Variants in RAP1GAP2 observed in about 807,000 individuals in gnomAD.
The protein encoded by RAP1GAP2 is RAP1 GTPase activating protein 2.
A neutral mutation model predicts 95.0 loss-of-function variants in RAP1GAP2; 27 were observed. That is an observed-to-expected ratio of 0.28 (90% confidence interval 0.21 to 0.39). The LOEUF is 0.39. RAP1GAP2 is among the 10% of genes least tolerant of loss of function. RAP1GAP2 has a pLI of 1.00. For missense variants in RAP1GAP2, 771 were observed against 970.0 expected (o/e 0.79, Z 2.72); for synonymous variants, 373 against 380.9 (o/e 0.98, Z 0.24).
chr17:2,891,700 T>C (rs1429113019), intron 2 of RAP1GAP2, among the ~76,000 whole-genome samples: 1 of 151,660 alleles, frequency 6.6e-6, no homozygotes, highest in East Asian at 1.9e-4. Context: ...GGGTGTGAAA[T>C]TTTAGGTTGA....
chr17:2,919,993 A>T (rs919094560), intron 3 of RAP1GAP2, among the ~76,000 whole-genome samples: 1 of 145,976 alleles, frequency 6.9e-6, no homozygotes, highest in African/African-American at 2.5e-5. Context: ...GAGCCGCCGC[A>T]TCTGGCCTCC....
chr17:3,026,056 T>C lies in RAP1GAP2; in HGVS notation c.1800T>C (p.Ser600=), dbSNP rs748948241. The C allele has an allele frequency of 1.9e-6, 3 of 1,613,560 alleles. No homozygotes were observed. In the African/African-American group the frequency reaches 4.0e-5, roughly 22 times the overall value. ...TPKTPDGGHS[S]QEIKSETSSN... ...AGACCCCAGATGGTGGACACTCCTCTCAGGAGATAAAGTCTGAGACCTCAT... is the reference window on the plus strand; with the variant it reads ...AGACCCCAGATGGTGGACACTCCTCCCAGGAGATAAAGTCTGAGACCTCAT... Residue 600 remains serine (S), a synonymous_variant, in exon 20 of 25, where the codon TCT becomes TCC. Transcript: ENST00000254695.
At chr17:3,001,356 C>A (rs978861706) in intron 14 of RAP1GAP2, among the ~76,000 whole-genome samples, 10 of 101,476 alleles carry the variant, frequency 9.9e-5, no homozygotes, top group African/African-American at 4.1e-4. Flanking sequence ...AGTGCAGGTC[C>A]AAGCACCAGG....
intron 8 of RAP1GAP2, among the ~76,000 whole-genome samples, chr17:2,966,813 T>C (rs1237592536): frequency 6.6e-6 from 1 of 152,178 alleles, no homozygotes; most frequent in Non-Finnish European, 1.5e-5. Flanking sequence ...AGAAAATTGC[T>C]ACCTTAATAA....
intron 2 of RAP1GAP2, among the ~76,000 whole-genome samples, chr17:2,845,806 AGCC>A (rs1215329533): frequency 6.6e-6 from 1 of 151,832 alleles, no homozygotes; most frequent in East Asian, 1.9e-4. Context: ...GGTTTTGGTG[AGCC>A]GAGGTCGCAC....
intron 2 of RAP1GAP2, among the ~76,000 whole-genome samples, chr17:2,833,334 A>G (rs535813068): frequency 6.6e-6 from 1 of 151,480 alleles, no homozygotes; most frequent in East Asian, 2.0e-4. Context: ...ATGAGGTTTC[A>G]CCATGTTGGC....
At chr17:2,949,152 G>A (rs1021666018) in intron 3 of RAP1GAP2, among the ~76,000 whole-genome samples, 5 of 152,172 alleles carry the variant, frequency 3.3e-5, no homozygotes, top group Non-Finnish European at 5.9e-5. Context: ...CTGGCTCTGC[G>A]TGGTTATCTA....
intron 2 of RAP1GAP2, among the ~76,000 whole-genome samples, chr17:2,889,056 G>A (rs2073600090): frequency 6.6e-6 from 1 of 152,102 alleles, no homozygotes; most frequent in Non-Finnish European, 1.5e-5. Context: ...AGTGCAGATG[G>A]CTCTTCAACA....
upstream of RAP1GAP2, among the ~76,000 whole-genome samples, chr17:2,794,265 A>T (rs979334703): frequency 2.0e-5 from 3 of 151,906 alleles, no homozygotes; most frequent in African/African-American, 7.3e-5. Context: ...GGGTTTACTT[A>T]GGTCTCCTGA....
intron 1 of RAP1GAP2, among the ~76,000 whole-genome samples, chr17:2,781,908 G>T (rs538133128): frequency 9.0e-4 from 137 of 151,678 alleles, no homozygotes; most frequent in Non-Finnish European, 1.6e-3. Context: ...GTGTGTGCAG[G>T]TCTCTGTGTG....
At position 2,857,535 on chromosome 17, in the gene RAP1GAP2, C is replaced by G. The variant is rs1443974203; in HGVS notation, c.81-47749C>G. ...TGCTCTACGGGAGCTGTGGGGCAGC[C>G]TGGAGGTTATGCCTTTTTCTGCCCA... On this transcript the variant is annotated intron_variant, in intron 2 of 24. Transcript: ENST00000254695. The surrounding 1 kb of genome is among the most constrained non-coding windows in gnomAD (Gnocchi z 4.0). Among the ~76,000 whole-genome samples, 2 of 152,176 alleles carry G rather than the reference C, an allele frequency of 1.3e-5. No homozygotes were observed. The highest frequency in any genetic ancestry group is 4.8e-5 in the African/African-American group (2 of 41,444).
chr17:2,789,188 A>G (rs2068861700), intron 1 of RAP1GAP2, among the ~76,000 whole-genome samples: 1 of 152,056 alleles, frequency 6.6e-6, no homozygotes, highest in Non-Finnish European at 1.5e-5. Context: ...CTGGGACTAC[A>G]GGTGCCTGCC....
chr17:2,957,069 A>C (rs530375900), intron 3 of RAP1GAP2, among the ~76,000 whole-genome samples: 44 of 151,374 alleles, frequency 2.9e-4, no homozygotes, highest in African/African-American at 9.0e-4. Flanking sequence ...CGGAGGTTGC[A>C]GTGAGCCGAG....
At chr17:3,012,497 A>C (rs1278988394) in intron 17 of RAP1GAP2, among the ~76,000 whole-genome samples, 1 of 149,372 alleles carries the variant, frequency 6.7e-6, no homozygotes, top group East Asian at 2.0e-4. Flanking sequence ...GCACACCTGT[A>C]ATCCCAGCTA....
At chr17:2,966,371 C>T (rs748591926) in intron 8 of RAP1GAP2, among the ~76,000 whole-genome samples, 13 of 152,082 alleles carry the variant, frequency 8.5e-5, no homozygotes, top group East Asian at 1.9e-4. Context: ...TATGGGGGCA[C>T]GAAGGAATCT....
intron 23 of RAP1GAP2, 67 bp from the exon 24 acceptor site, chr17:3,032,344 A>G: frequency 6.3e-7 from 1 of 1,594,460 alleles, no homozygotes; most frequent in Non-Finnish European, 8.6e-7. Context: ...GAGTGCACAG[A>G]GCCGCCGTGG....
At chr17:2,992,454 C>T (rs188605772) in intron 12 of RAP1GAP2, among the ~76,000 whole-genome samples, 35 of 152,262 alleles carry the variant, frequency 2.3e-4, no homozygotes, top group Non-Finnish European at 4.1e-4. Context: ...GCCACCGTGC[C>T]TGGCTCAGTC....
chr17:3,029,535 G>T lies in RAP1GAP2; in HGVS notation c.2108-1387G>T, dbSNP rs552849437. Among the ~76,000 whole-genome samples the T allele has an allele frequency of 7.9e-5, 12 of 152,270 alleles. No individual in the cohort carries two copies. The highest frequency in any genetic ancestry group is 1.2e-4 in the African/African-American group (5 of 41,534). Reference sequence around the variant, plus strand: ...GGGAGAGGTGGCCTGACGTCCTGACGTACAGTCTCCATAATGTCAGATATC... The same window carrying T: ...GGGAGAGGTGGCCTGACGTCCTGACTTACAGTCTCCATAATGTCAGATATC... On this transcript the variant is annotated intron_variant, in intron 22 of 24. Transcript: ENST00000254695. This position sits in a 1 kb window ranked among gnomAD's most constrained non-coding sequence, Gnocchi z 4.4.
At chr17:2,974,767 A>G (rs1386449638) in intron 8 of RAP1GAP2, among the ~76,000 whole-genome samples, 1 of 152,180 alleles carries the variant, frequency 6.6e-6, no homozygotes, top group Non-Finnish European at 1.5e-5. Context: ...AAAAAATATA[A>G]ATAGGTGTAT....
Sources: gnomAD v4.1 joint callset for allele counts (sites outside exome capture counted in the v4.1 genomes callset) on GRCh38, gnomAD v4.1.1 for gene constraint, Gnocchi (gnomAD v3.1) non-coding constraint, MANE v1.5 for transcripts, NCBI Gene and HGNC (gene_info 2026-07-23, HGNC 2026-07-21) for gene names.